EIF2B3: variants seen among roughly 807,000 people sequenced by gnomAD.
EIF2B3 encodes the protein translation initiation factor eIF2B subunit gamma.
A neutral mutation model predicts 54.1 loss-of-function variants in EIF2B3; 20 were observed. The ratio of observed to expected loss-of-function variants is 0.37; its 90% CI spans 0.26 to 0.54. The LOEUF (loss-of-function observed/expected upper bound fraction) is 0.54. Among genes scored for constraint, EIF2B3 ranks in the 20% least tolerant of loss-of-function variants. The probability of loss-of-function intolerance (pLI) is 0.86; values close to 1 mark genes in which losing one functional copy is unlikely to be tolerated. For missense variants in EIF2B3, 448 were observed against 547.8 expected, an observed-to-expected ratio of 0.82 and a Z score of 1.82; for synonymous variants, 153 against 188.1, an observed-to-expected ratio of 0.81 and a Z score of 1.52.
Position 44,951,157 on chromosome 1 carries a change from C to A in EIF2B3, c.295-9492G>T, listed in dbSNP as rs80093523. ...AGTCACTCAACCACTTTGTTATACT[C>A]TACTCCTTGGCATTACCAAAAATTG... On this transcript the variant is annotated intron_variant, in intron 3 of 11. Transcript: ENST00000360403. 2.8e-4 allele frequency among the ~76,000 whole-genome samples: 42 copies of A among 152,230 alleles called. 2 individuals are homozygous for A. The East Asian group carries it at 5.4e-3, about 20-fold the overall frequency.
intron 10 of EIF2B3, among the ~76,000 whole-genome samples, chr1:44,869,714 C>T (rs58191426): frequency 0.15 from 22,436 of 148,014 alleles, 1,788 homozygotes; most frequent in Non-Finnish European, 0.17. Context: ...GATTCTTCTG[C>T]CTCAGCCTCC....
At chr1:44,906,672 T>A (rs1643417305) in intron 5 of EIF2B3, among the ~76,000 whole-genome samples, 2 of 152,162 alleles carry the variant, frequency 1.3e-5, no homozygotes, top group African/African-American at 2.4e-5. Context: ...AGTGCTGGGA[T>A]TACAGGCATG....
intron 5 of EIF2B3, among the ~76,000 whole-genome samples, chr1:44,921,513 T>C (rs116029677): frequency 0.011 from 1,623 of 152,334 alleles, 32 homozygotes; most frequent in African/African-American, 0.037. Flanking sequence ...AGTAGCTTCA[T>C]AGTTTGAGGT....
intron 4 of EIF2B3, among the ~76,000 whole-genome samples, chr1:44,939,367 C>T (rs951238822): frequency 6.6e-6 from 1 of 152,086 alleles, no homozygotes; most frequent in Non-Finnish European, 1.5e-5. Flanking sequence ...TAAAGGACTT[C>T]CATTGGCCAA....
Position 44,951,529 on chromosome 1 carries a change from T to G in EIF2B3, c.295-9864A>C, listed in dbSNP as rs142507156. On this transcript the variant is annotated intron_variant, in intron 3 of 11. Coordinates refer to ENST00000360403, the MANE Select transcript of EIF2B3 (RefSeq NM_020365.5). ...TACATCACTGTCTTCCTTACTACTC[T>G]CATCCCTTGTACTCACCAGGTAAAG... Among the ~76,000 whole-genome samples the G allele has an allele frequency of 6.0e-3, 920 of 152,292 alleles. 11 individuals are homozygous for G. The highest frequency in any genetic ancestry group is 0.021 in the African/African-American group (877 of 41,562).
chr1:44,877,215 A>AAAAAC (rs1655220577), intron 8 of EIF2B3, among the ~76,000 whole-genome samples: 3 of 148,558 alleles, frequency 2.0e-5, no homozygotes, highest in Admixed American at 2.0e-4. Context: ...AAAAAAAAAA[A>AAAAAC]AAAAAAACAC....
chr1:44,864,269 GAGT>G (rs1008613667), intron 10 of EIF2B3, among the ~76,000 whole-genome samples: 1 of 152,122 alleles, frequency 6.6e-6, no homozygotes, highest in Non-Finnish European at 1.5e-5. Context: ...GTGTTTTTAA[GAGT>G]ATGACAGAAG....
intron 3 of EIF2B3, among the ~76,000 whole-genome samples, chr1:44,965,257 CTAAT>C (rs1223813963): frequency 3.9e-5 from 6 of 152,270 alleles, no homozygotes; most frequent in Admixed American, 3.9e-4. Context: ...TTACACAAAA[CTAAT>C]TAAGAGTTTA....
intron 10 of EIF2B3, among the ~76,000 whole-genome samples, chr1:44,866,785 C>T (rs1234583526): frequency 6.6e-6 from 1 of 152,220 alleles, no homozygotes; most frequent in Non-Finnish European, 1.5e-5. Flanking sequence ...AAACTCCTGA[C>T]CTCAGGTGAT....
chr1:44,968,052 A>C (rs1644364027), intron 3 of EIF2B3, among the ~76,000 whole-genome samples: 1 of 151,390 alleles, frequency 6.6e-6, no homozygotes, highest in Middle Eastern at 3.4e-3. Context: ...ATAAATAAAT[A>C]AAAATAAAAA....
intron 3 of EIF2B3, among the ~76,000 whole-genome samples, chr1:44,975,336 G>A (rs949084446): frequency 6.6e-6 from 1 of 152,144 alleles, no homozygotes; most frequent in African/African-American, 2.4e-5. Context: ...GAGAAATCCG[G>A]TATGTTCTGA....
intron 6 of EIF2B3, among the ~76,000 whole-genome samples, chr1:44,892,114 T>A (rs1010592365): frequency 3.9e-5 from 6 of 152,222 alleles, no homozygotes; most frequent in Non-Finnish European, 8.8e-5. Flanking sequence ...CTTTTATAAC[T>A]GATAGAATTG....
intron 5 of EIF2B3, among the ~76,000 whole-genome samples, chr1:44,919,569 A>T (rs1395459735): frequency 6.6e-6 from 1 of 152,114 alleles, no homozygotes; most frequent in Non-Finnish European, 1.5e-5. Flanking sequence ...ATCAGAAGAA[A>T]TATGATCATC....
Position 44,897,347 on chromosome 1 carries a change from T to C in EIF2B3, c.656+8A>G. 2 of 1,609,354 alleles carry C rather than the reference T, an allele frequency of 1.2e-6. No homozygotes were observed. The highest frequency in any genetic ancestry group is 1.1e-5 in the South Asian group (1 of 90,794). ...CTGTAGGTTTGACTCTACCACCCTT[T>C]TTCTTACCCATTTTCCATTAGGAAA... On this transcript the variant is annotated splice_region_variant and intron_variant, in intron 6 of 11. Coordinates refer to ENST00000360403, the MANE Select transcript of EIF2B3 (RefSeq NM_020365.5).
At chr1:44,925,981 A>C (rs1176863519) in intron 5 of EIF2B3, among the ~76,000 whole-genome samples, 1 of 151,904 alleles carries the variant, frequency 6.6e-6, no homozygotes, top group Non-Finnish European at 1.5e-5. Flanking sequence ...TAATCCTAGC[A>C]CTTTGGGGGG....
intron 10 of EIF2B3, among the ~76,000 whole-genome samples, chr1:44,871,233 T>C (rs76784661): frequency 5.3e-5 from 8 of 152,368 alleles, no homozygotes; most frequent in East Asian, 3.9e-4. Flanking sequence ...ACATGTTTTA[T>C]AGTTTTTAAT....
At chr1:44,882,730 C>T (rs1383939570) in intron 6 of EIF2B3, among the ~76,000 whole-genome samples, 5 of 151,492 alleles carry the variant, frequency 3.3e-5, no homozygotes, top group African/African-American at 1.2e-4. Flanking sequence ...TTCTTGTGCT[C>T]CAGCCTCCCA....
intron 6 of EIF2B3, among the ~76,000 whole-genome samples, chr1:44,887,987 T>C (rs1655652795): frequency 6.6e-6 from 1 of 152,244 alleles, no homozygotes; most frequent in African/African-American, 2.4e-5. Flanking sequence ...AGTTACTATC[T>C]GACCCAAAAG....
intron 1 of EIF2B3, among the ~76,000 whole-genome samples, chr1:44,985,603 T>C (rs576952704): frequency 6.6e-6 from 1 of 152,174 alleles, no homozygotes; most frequent in Non-Finnish European, 1.5e-5. Flanking sequence ...AACTCAAACA[T>C]GTGCATAAGG....
Sources: allele counts gnomAD v4.1 joint callset (sites outside exome capture counted in the v4.1 genomes callset), GRCh38; gene constraint gnomAD v4.1.1; transcripts MANE v1.5; gene names NCBI Gene and HGNC (gene_info 2026-07-23, HGNC 2026-07-21).